The following MALRD1 variants were observed in gnomAD, a reference collection of about 807,000 sequenced individuals.
The protein encoded by MALRD1 is MAM and LDL receptor class A domain containing 1.
In MALRD1, 247 loss-of-function variants were observed where a neutral mutation model predicts 242.1. That is an observed-to-expected ratio of 1.02 (90% confidence interval 0.92 to 1.13). The LOEUF (loss-of-function observed/expected upper bound fraction) is 1.13, where lower values mean the gene tolerates loss of function less well. MALRD1 is among the 50% of genes most tolerant of loss of function. The pLI is 0.00. For missense variants in MALRD1, 2,989 were observed against 2,533.1 expected (o/e 1.18, Z -3.86); for synonymous variants, 995 against 866.6 (o/e 1.15, Z -2.60).
At chr10:19,063,584 AT>A (rs990267876) in intron 1 of MALRD1, among the ~76,000 whole-genome samples, 6 of 151,916 alleles carry the variant, frequency 3.9e-5, no homozygotes, top group African/African-American at 1.5e-4. Context: ...ATGATTTCCA[AT>A]TTCATCCATG....
chr10:19,165,242 A>AATATAT (rs57449195), intron 12 of MALRD1, among the ~76,000 whole-genome samples: 1,854 of 69,720 alleles, frequency 0.027, 216 homozygotes, highest in African/African-American at 0.081. Flanking sequence ...AGTTGTTTGG[A>AATATAT]ATATATATAT....
chr10:19,717,979 T>C (rs1227039062), intron 38 of MALRD1, among the ~76,000 whole-genome samples: 4 of 150,654 alleles, frequency 2.7e-5, no homozygotes, highest in Non-Finnish European at 4.4e-5. Flanking sequence ...ATTGCGCCAC[T>C]GCACTCCAGA....
intron 14 of MALRD1, among the ~76,000 whole-genome samples, chr10:19,197,891 C>T (rs562179123): frequency 1.2e-4 from 19 of 152,206 alleles, no homozygotes; most frequent in Non-Finnish European, 2.4e-4. Context: ...TGCTCTTAGA[C>T]TTTATACTTG....
chr10:19,518,718 CT>C (rs1833746956), intron 31 of MALRD1, among the ~76,000 whole-genome samples: 2 of 151,910 alleles, frequency 1.3e-5, no homozygotes, highest in Admixed American at 1.3e-4. Context: ...CAGAAAGGTA[CT>C]TTTCTTAATA....
intron 29 of MALRD1, among the ~76,000 whole-genome samples, chr10:19,484,617 T>C (rs1483806562): frequency 6.6e-6 from 1 of 152,210 alleles, no homozygotes; most frequent in African/African-American, 2.4e-5. Flanking sequence ...TGAAACCATA[T>C]AATATGCTTC....
chr10:19,326,006 A>T (rs1843116938), intron 22 of MALRD1, among the ~76,000 whole-genome samples: 1 of 149,436 alleles, frequency 6.7e-6, no homozygotes, highest in Non-Finnish European at 1.5e-5. Context: ...AGTTTCTTTC[A>T]AAAAACATAT....
chr10:19,673,255 C>T (rs1355753160), intron 36 of MALRD1, among the ~76,000 whole-genome samples: 4 of 151,946 alleles, frequency 2.6e-5, no homozygotes, highest in Non-Finnish European at 4.4e-5. Flanking sequence ...GGCATGGTGG[C>T]GGGCGCCTGT....
At chr10:19,408,212 C>G (rs1360410571) in intron 28 of MALRD1, among the ~76,000 whole-genome samples, 3 of 152,038 alleles carry the variant, frequency 2.0e-5, no homozygotes, top group Non-Finnish European at 4.4e-5. Flanking sequence ...CTCATGGTAA[C>G]CACATGAAGG....
intron 27 of MALRD1, 45 bp from the exon 28 acceptor site, chr10:19,389,407 A>G (rs1324307004): frequency 2.0e-6 from 3 of 1,533,352 alleles, no homozygotes; most frequent in Non-Finnish European, 2.7e-6. Flanking sequence ...AAATAATCCC[A>G]TCATTGTTAT....
intron 26 of MALRD1, among the ~76,000 whole-genome samples, chr10:19,370,019 G>A (rs1341426896): frequency 6.6e-6 from 1 of 151,924 alleles, no homozygotes; most frequent in Non-Finnish European, 1.5e-5. Context: ...ATATTTTCTT[G>A]GATGTTTTTG....
intron 28 of MALRD1, among the ~76,000 whole-genome samples, chr10:19,400,122 A>G (rs747647709): frequency 4.6e-5 from 7 of 152,204 alleles, no homozygotes; most frequent in East Asian, 1.9e-4. Flanking sequence ...ACTGTCTACT[A>G]TCATGGAGCT....
rs886924432 is a variant in MALRD1 at position 19,222,944 on chromosome 10, T to A, written c.2991+13264T>A. Among the ~76,000 whole-genome samples, 3 of 152,262 alleles carry A rather than the reference T, an allele frequency of 2.0e-5. No individual in the cohort carries two copies. In the East Asian group the frequency reaches 5.8e-4, roughly 29 times the overall value. On this transcript the variant is annotated intron_variant, in intron 18 of 39. Transcript: ENST00000454679. ...TGTATCTTGATTTATGCCTTCAAAC[T>A]TTTTCCCATTCAGCAGAAAATATTG...
chr10:19,269,001 TAGTG>T (rs1405779707), intron 19 of MALRD1, among the ~76,000 whole-genome samples: 7 of 152,186 alleles, frequency 4.6e-5, no homozygotes, highest in African/African-American at 1.7e-4. Context: ...CTCTGCTTCT[TAGTG>T]AGTGCAAACT....
intron 32 of MALRD1, among the ~76,000 whole-genome samples, chr10:19,566,403 T>C (rs940096668): frequency 6.7e-6 from 1 of 149,764 alleles, no homozygotes; most frequent in Non-Finnish European, 1.5e-5. Context: ...CCTCCCAAAG[T>C]GCTGGGATTA....
At chr10:19,515,116 A>G (rs185610022) in intron 31 of MALRD1, among the ~76,000 whole-genome samples, 2 of 152,306 alleles carry the variant, frequency 1.3e-5, no homozygotes, top group African/African-American at 2.4e-5. Flanking sequence ...ACAAACAACA[A>G]AAACACAACT....
intron 4 of MALRD1, among the ~76,000 whole-genome samples, chr10:19,101,794 G>T (rs1836269595): frequency 7.5e-6 from 1 of 132,966 alleles, no homozygotes; most frequent in Non-Finnish European, 1.5e-5. Context: ...ATCCAACTGG[G>T]ATACATATAG....
At chr10:19,552,947 A>G (rs1025792930) in intron 32 of MALRD1, among the ~76,000 whole-genome samples, 1 of 152,122 alleles carries the variant, frequency 6.6e-6, no homozygotes, top group Non-Finnish European at 1.5e-5. Flanking sequence ...CCCTGGAAGA[A>G]AACAAATTTT....
chr10:19,716,497 C>G (rs976849321), intron 38 of MALRD1, among the ~76,000 whole-genome samples: 3 of 152,202 alleles, frequency 2.0e-5, no homozygotes, highest in African/African-American at 7.2e-5. Context: ...TCCCCAGAAA[C>G]AGAAGCCACT....
intron 29 of MALRD1, among the ~76,000 whole-genome samples, chr10:19,474,172 T>A (rs1836623441): frequency 6.6e-6 from 1 of 152,162 alleles, no homozygotes; most frequent in African/African-American, 2.4e-5. Context: ...CATTCATTAG[T>A]CAGGTTATTT....
Sources: allele counts gnomAD v4.1 joint callset (sites outside exome capture counted in the v4.1 genomes callset), GRCh38; gene constraint gnomAD v4.1.1; transcripts MANE v1.5; gene names NCBI Gene and HGNC (gene_info 2026-07-23, HGNC 2026-07-21).